CLDN16: variants seen among roughly 807,000 people sequenced by gnomAD.
CLDN16 encodes the protein claudin-16.
CLDN16 carries 13 observed loss-of-function variants against 24.6 expected under a neutral mutation model. That is an observed-to-expected ratio of 0.53 (90% confidence interval 0.34 to 0.84). CLDN16 has a LOEUF of 0.84. Ranked by LOEUF, CLDN16 falls within the 40% of genes least tolerant of loss-of-function variation. The pLI, the probability that CLDN16 is intolerant of heterozygous loss-of-function variation, is 0.01. For synonymous variants in CLDN16, 116 were observed against 106.7 expected (o/e 1.09, Z -0.54); for missense variants, 298 against 292.7 (o/e 1.02, Z -0.13).
At chr3:190,315,328 G>A in the CLDN16 span, among the ~76,000 whole-genome samples, 1 of 152,210 alleles carries the variant, frequency 6.6e-6, no homozygotes, top group South Asian at 2.1e-4. Flanking sequence ...ATCCTTAGAA[G>A]GCTCTCAATC....
intron 1 of CLDN16, among the ~76,000 whole-genome samples, chr3:190,401,329 C>A (rs900650068): frequency 3.3e-5 from 5 of 152,208 alleles, no homozygotes; most frequent in South Asian, 2.1e-4. Flanking sequence ...CATTCCTCAT[C>A]CCACCCTGCT....
chr3:190,318,545 G>A (rs1334174676), upstream of CLDN16, among the ~76,000 whole-genome samples: 1 of 152,074 alleles, frequency 6.6e-6, no homozygotes, highest in East Asian at 1.9e-4. Flanking sequence ...TTTTATAAGT[G>A]GGGTAACTAC....
rs369250510 is a variant in CLDN16, at chr3:190,388,456, C to G, written c.114+13C>G. The G allele has an allele frequency of 1.5e-4, 240 of 1,611,084 alleles. 1 individual carries two copies. The Middle Eastern group carries it at 5.8e-3, about 39-fold the overall frequency. ...TGACTCTCTGGAGGTAAGAAGATAG[C>G]AGCTTCTTTTCATGATCCAGGCCAG... On this transcript the variant is annotated intron_variant, in intron 1 of 4. Transcript: ENST00000264734.
the CLDN16 span, among the ~76,000 whole-genome samples, chr3:190,312,023 C>T: frequency 7.9e-5 from 12 of 151,774 alleles, no homozygotes; most frequent in East Asian, 5.8e-4. Context: ...TCTCGGCTCC[C>T]GAGTTGAGGT....
chr3:190,405,758 C>G (rs1322953469), intron 3 of CLDN16, among the ~76,000 whole-genome samples: 1 of 152,132 alleles, frequency 6.6e-6, no homozygotes, highest in African/African-American at 2.4e-5. Flanking sequence ...AATTGAAGTT[C>G]TGAGGACTGG....
At chr3:190,392,877 G>T (rs1195875195) in intron 1 of CLDN16, among the ~76,000 whole-genome samples, 1 of 152,122 alleles carries the variant, frequency 6.6e-6, no homozygotes, top group Non-Finnish European at 1.5e-5. Flanking sequence ...CATAGGCAAG[G>T]GTTTGTCGCT....
At chr3:190,360,548 G>A (rs565768396) in intron 1 of CLDN16, among the ~76,000 whole-genome samples, 2 of 151,968 alleles carry the variant, frequency 1.3e-5, no homozygotes, top group South Asian at 4.2e-4. Flanking sequence ...ACAAAATGTA[G>A]CTAGAGTTTT....
At chr3:190,323,025 C>CACACACACACAA (rs559057976) in intron 1 of CLDN16, among the ~76,000 whole-genome samples, 8 of 151,534 alleles carry the variant, frequency 5.3e-5, no homozygotes, top group African/African-American at 1.9e-4. Flanking sequence ...CACACACACA[C>CACACACACACAA]ACAGACACAC....
the CLDN16 span, among the ~76,000 whole-genome samples, chr3:190,314,875 C>G: frequency 0.027 from 4,079 of 152,174 alleles, 121 homozygotes; most frequent in South Asian, 0.13. Flanking sequence ...GCACACTGAC[C>G]CACACACTTA....
chr3:190,345,294 T>C lies in CLDN16; in HGVS notation n.121+22633T>C, dbSNP rs557181454. On this transcript the variant is annotated intron_variant and non_coding_transcript_variant, in intron 1 of 4. Transcript: ENST00000468220. ...CAACCTCTTTGTTCATTTTGTGATA[T>C]TTCTCAGTTTAGGGACTTTCTCTTC... 8.5e-5 allele frequency among the ~76,000 whole-genome samples: 13 copies of C among 152,230 alleles called. No individual in the cohort carries two copies. The East Asian group carries it at 2.5e-3, about 29-fold the overall frequency.
chr3:190,404,134 T>G (rs140632375), intron 2 of CLDN16, among the ~76,000 whole-genome samples: 1 of 152,122 alleles, frequency 6.6e-6, no homozygotes. Context: ...ATATGTAATA[T>G]TGGCCAAGAA....
chr3:190,344,929 C>T (rs545618590), intron 1 of CLDN16, among the ~76,000 whole-genome samples: 1 of 151,908 alleles, frequency 6.6e-6, no homozygotes, highest in South Asian at 2.1e-4. Context: ...ATTCTATTTA[C>T]CCAGAAGTGT....
intron 1 of CLDN16, among the ~76,000 whole-genome samples, chr3:190,331,513 T>TA (rs1717179444): frequency 6.6e-6 from 1 of 152,202 alleles, no homozygotes; most frequent in Admixed American, 6.5e-5. Context: ...AAATTTTAAT[T>TA]AATGAAAATT....
chr3:190,393,788 T>C (rs1718741849), intron 1 of CLDN16, among the ~76,000 whole-genome samples: 1 of 146,616 alleles, frequency 6.8e-6, no homozygotes, highest in Non-Finnish European at 1.5e-5. Context: ...TCTCTCTCTG[T>C]CGCCCAAGCT....
At position 190,408,302 on chromosome 3, in the gene CLDN16, C is replaced by G; in HGVS notation, c.383-12C>G. On this transcript the variant is annotated splice_polypyrimidine_tract_variant and intron_variant, in intron 3 of 4. Coordinates refer to ENST00000264734, the MANE Select transcript of CLDN16 (RefSeq NM_006580.4). Reference sequence around the variant, plus strand: ...GTCCCCTATTATTTGTAGCATCCTCCCTTTCTTTCAGGTACCCCAGGAATC... The same window carrying G: ...GTCCCCTATTATTTGTAGCATCCTCGCTTTCTTTCAGGTACCCCAGGAATC... The G allele has an allele frequency of 1.2e-6, 2 of 1,612,164 alleles. No homozygotes were observed. The highest frequency in any genetic ancestry group is 1.7e-6 in the Non-Finnish European group (2 of 1,178,248).
intron 1 of CLDN16, among the ~76,000 whole-genome samples, chr3:190,345,059 G>C (rs534846624): frequency 3.2e-4 from 49 of 152,242 alleles, no homozygotes; most frequent in African/African-American, 1.1e-3. Context: ...TAGATTTAAA[G>C]GGTAAAGTAA....
At chr3:190,293,539 A>G in the CLDN16 span, among the ~76,000 whole-genome samples, 1 of 152,234 alleles carries the variant, frequency 6.6e-6, no homozygotes. Context: ...AAATTAGACC[A>G]TGAGTGGACA....
At chr3:190,403,254 C>T (rs1387800650) in intron 2 of CLDN16, among the ~76,000 whole-genome samples, 1 of 152,054 alleles carries the variant, frequency 6.6e-6, no homozygotes, top group Non-Finnish European at 1.5e-5. Context: ...ATCACTTGAA[C>T]CCAGAAGGCA....
chr3:190,343,672 G>A (rs1013648820), intron 1 of CLDN16, among the ~76,000 whole-genome samples: 7 of 151,980 alleles, frequency 4.6e-5, no homozygotes, highest in Admixed American at 3.9e-4. Context: ...GAATCTGAAG[G>A]GCATTATGCT....
Sources: allele counts gnomAD v4.1 joint callset (sites outside exome capture counted in the v4.1 genomes callset), GRCh38; gene constraint gnomAD v4.1.1; transcripts MANE v1.5; gene names NCBI Gene and HGNC (gene_info 2026-07-23, HGNC 2026-07-21).